Variants in CHST11 observed in about 807,000 individuals in gnomAD.
The protein encoded by CHST11 is carbohydrate sulfotransferase 11.
A neutral mutation model predicts 30.4 loss-of-function variants in CHST11; 9 were observed. That is an observed-to-expected ratio of 0.30 (90% CI 0.18 to 0.52). The LOEUF (loss-of-function observed/expected upper bound fraction) is 0.52. Among genes scored for constraint, CHST11 ranks in the 20% least tolerant of loss-of-function variants. CHST11 has a pLI of 0.97. For missense variants in CHST11, 348 were observed against 460.6 expected (o/e 0.76, Z 2.24); for synonymous variants, 152 against 187.8 (o/e 0.81, Z 1.56).
chr12:104,727,514 A>G (rs1360825968), intron 2 of CHST11, among the ~76,000 whole-genome samples: 1 of 152,232 alleles, frequency 6.6e-6, no homozygotes, highest in African/African-American at 2.4e-5. Context: ...AGGCACATTC[A>G]CCACACCTTG....
At chr12:104,637,829 A>G (rs1014163736) in intron 2 of CHST11, among the ~76,000 whole-genome samples, 2 of 152,200 alleles carry the variant, frequency 1.3e-5, no homozygotes, top group African/African-American at 4.8e-5. Flanking sequence ...GGACTCAGCA[A>G]AATGATCATC....
intron 2 of CHST11, among the ~76,000 whole-genome samples, chr12:104,713,686 G>A (rs527957037): frequency 3.3e-5 from 5 of 152,116 alleles, no homozygotes; most frequent in Non-Finnish European, 5.9e-5. Flanking sequence ...GCTGACTCCT[G>A]AGGCCAGGTC....
At chr12:104,649,077 C>T (rs1175354526) in intron 2 of CHST11, among the ~76,000 whole-genome samples, 4 of 151,568 alleles carry the variant, frequency 2.6e-5, no homozygotes, top group Admixed American at 1.3e-4. Flanking sequence ...GCATGGAGCC[C>T]GGCTGATGTA....
chr12:104,530,541 A>G (rs545469419), intron 1 of CHST11, among the ~76,000 whole-genome samples: 1 of 152,382 alleles, frequency 6.6e-6, no homozygotes, highest in East Asian at 1.9e-4. Context: ...AGACTAGAGC[A>G]TAAAGTCTTA....
intron 2 of CHST11, among the ~76,000 whole-genome samples, chr12:104,716,295 TA>T (rs2040130579): frequency 6.6e-6 from 1 of 152,178 alleles, no homozygotes; most frequent in Non-Finnish European, 1.5e-5. Flanking sequence ...AGATGCAGCA[TA>T]GTATAGTGAT....
Position 104,486,409 on chromosome 12 carries a change from G to A in CHST11, c.118+28880G>A, listed in dbSNP as rs138319717. Among the ~76,000 whole-genome samples the A allele has an allele frequency of 3.8e-3, 581 of 152,214 alleles. 5 individuals are homozygous for A. The highest frequency in any genetic ancestry group is 6.1e-3 in the Non-Finnish European group (414 of 67,996). ...CGGGGAATGCAGCGGGGTGCTCCCA[G>A]CTTTCACAAATGATGACTTCAGCTG... On this transcript the variant is annotated intron_variant, in intron 1 of 2. Coordinates refer to ENST00000303694, the MANE Select transcript of CHST11 (RefSeq NM_018413.6).
intron 2 of CHST11, among the ~76,000 whole-genome samples, chr12:104,604,990 C>T (rs2038989792): frequency 6.6e-6 from 1 of 151,856 alleles, no homozygotes; most frequent in Non-Finnish European, 1.5e-5. Context: ...GAACTGAGGC[C>T]AATAACTTCA....
At chr12:104,470,915 A>C (rs1219519054) in intron 1 of CHST11, among the ~76,000 whole-genome samples, 2 of 152,224 alleles carry the variant, frequency 1.3e-5, no homozygotes, top group African/African-American at 4.8e-5. Flanking sequence ...AAAGGCCTTA[A>C]GCTCAGCTGT....
chr12:104,498,783 C>T (rs537644642), intron 1 of CHST11, among the ~76,000 whole-genome samples: 53 of 152,248 alleles, frequency 3.5e-4, no homozygotes, highest in African/African-American at 1.2e-3. Flanking sequence ...TTGAATTAGC[C>T]GTTGATTTTA....
In CHST11 at chr12:104,757,045, G is replaced by T; in HGVS notation, c.301G>T (p.Val101Leu). The T allele has an allele frequency of 3.7e-6, 6 of 1,614,114 alleles. No individual in the cohort carries two copies. Among genetic ancestry groups the T allele is most frequent in the East Asian group, 2.2e-5 (1 of 44,862 alleles). Reference protein sequence around the residue: ...ANSATSRKRRVLTPNDLKHLV... With the variant: ...ANSATSRKRRLLTPNDLKHLV... ...CAGCGCCACAAGCCGTAAGCGGAGG[G>T]TGCTGACCCCCAACGACCTGAAGCA... Residue 101 changes from valine to leucine, a missense_variant, in exon 3 of 3, where the codon GTG becomes TTG. Around this residue, in one of 3 missense-constraint regions of CHST11, gnomAD observed 135 missense variants for 155.8 expected, o/e 0.87. Coordinates refer to ENST00000303694, the MANE Select transcript of CHST11 (RefSeq NM_018413.6). This position sits in a 1 kb window ranked among gnomAD's most constrained non-coding sequence, Gnocchi z 6.5.
chr12:104,679,600 G>T (rs923314122), intron 2 of CHST11, among the ~76,000 whole-genome samples: 2 of 152,160 alleles, frequency 1.3e-5, no homozygotes, highest in Non-Finnish European at 2.9e-5. Flanking sequence ...GGGGGGCCAG[G>T]CCTGTGTGGA....
intron 2 of CHST11, among the ~76,000 whole-genome samples, chr12:104,657,916 G>A (rs1566025900): frequency 6.6e-6 from 1 of 152,124 alleles, no homozygotes; most frequent in East Asian, 1.9e-4. Context: ...ATAAAGACAC[G>A]CTTTATTTCC....
At chr12:104,737,242 C>A (rs1432694004) in intron 2 of CHST11, among the ~76,000 whole-genome samples, 1 of 152,208 alleles carries the variant, frequency 6.6e-6, no homozygotes, top group African/African-American at 2.4e-5. Flanking sequence ...TGCCATCCCC[C>A]GTGGGAATGA....
chr12:104,542,149 A>C (rs2038292687), intron 1 of CHST11, among the ~76,000 whole-genome samples: 1 of 152,230 alleles, frequency 6.6e-6, no homozygotes, highest in African/African-American at 2.4e-5. Context: ...GGATATGCTA[A>C]CATTTTAGAA....
intron 2 of CHST11, among the ~76,000 whole-genome samples, chr12:104,683,126 A>T (rs187297007): frequency 3.3e-5 from 5 of 152,300 alleles, no homozygotes; most frequent in Admixed American, 1.3e-4. Context: ...AGGAGGTGGA[A>T]TGGAGTATGA....
chr12:104,468,904 A>T (rs1424402193), intron 1 of CHST11, among the ~76,000 whole-genome samples: 1 of 152,226 alleles, frequency 6.6e-6, no homozygotes, highest in Non-Finnish European at 1.5e-5. Context: ...TTGGGAATGG[A>T]TGTAAACCTA....
intron 1 of CHST11, among the ~76,000 whole-genome samples, chr12:104,590,622 T>C (rs1276155753): frequency 6.6e-6 from 1 of 152,200 alleles, no homozygotes; most frequent in Non-Finnish European, 1.5e-5. Context: ...AATCAATGCC[T>C]TGAAGAAGCA....
intron 2 of CHST11, among the ~76,000 whole-genome samples, chr12:104,708,855 C>T (rs949884827): frequency 2.6e-5 from 4 of 152,212 alleles, no homozygotes; most frequent in Non-Finnish European, 4.4e-5. Context: ...GGCAGGGGCC[C>T]CTCGGGTGCC....
chr12:104,503,160 G>T (rs1040798023), intron 1 of CHST11, among the ~76,000 whole-genome samples: 1 of 152,254 alleles, frequency 6.6e-6, no homozygotes, highest in African/African-American at 2.4e-5. Context: ...GACATCGTCA[G>T]GGTGGTGCGC....
Sources: allele counts gnomAD v4.1 joint callset (sites outside exome capture counted in the v4.1 genomes callset), GRCh38; gene constraint gnomAD v4.1.1; regional missense constraint gnomAD v4.1.1; non-coding constraint Gnocchi (gnomAD v3.1); transcripts MANE v1.5; gene names NCBI Gene and HGNC (gene_info 2026-07-23, HGNC 2026-07-21).